Variants in LGALS16 observed in about 807,000 individuals in gnomAD.
The protein encoded by LGALS16 is galectin 16, also known as galectin-16.
Under a neutral mutation model 13.2 loss-of-function variants are expected in LGALS16, and 15 were observed. That is an observed-to-expected ratio of 1.13 (90% CI 0.76 to 1.75). The LOEUF (loss-of-function observed/expected upper bound fraction) is 1.75, where lower values mean the gene tolerates loss of function less well. Ranked by LOEUF, LGALS16 falls within the 40% of genes most tolerant of loss-of-function variation. LGALS16 has a pLI of 0.00. For synonymous variants in LGALS16, 66 were observed against 65.4 expected (o/e 1.01, Z -0.05); for missense variants, 198 against 178.4 (o/e 1.11, Z -0.63).
intron 1 of LGALS16, 144 bp downstream of exon 1, chr19:39,656,120 A>G: frequency 1.2e-6 from 1 of 828,394 alleles, no homozygotes; most frequent in Middle Eastern, 2.4e-4. Context: ...AGAAACACTG[A>G]GGCTGGGTAT....
Position 39,660,531 on chromosome 19 carries a change from C to A in LGALS16, c.*11C>A. 1 of 1,550,182 alleles carries A rather than the reference C, an allele frequency of 6.5e-7. No individual in the cohort carries two copies. Among genetic ancestry groups the A allele is most frequent in the East Asian group, 2.4e-5 (1 of 42,390 alleles). On this transcript the variant is annotated 3_prime_UTR_variant, in exon 4 of 4. Coordinates refer to ENST00000392051, the MANE Select transcript of LGALS16 (RefSeq NM_001190441.3). The stretch of plus-strand genomic sequence containing the variant: ...AATGGACGGAGATGATCACACTCCT[C>A]ATTGTTGAGGAAACCCTCTTTCTAC...
intron 2 of LGALS16, 121 bp downstream of exon 2, chr19:39,658,080 G>C (rs1357742594): frequency 8.3e-7 from 1 of 1,207,602 alleles, no homozygotes. Context: ...CCCCATGCAG[G>C]TGCAGGTCCT....
chr19:39,656,890 C>T (rs995958796), intron 1 of LGALS16, among the ~76,000 whole-genome samples: 3 of 151,836 alleles, frequency 2.0e-5, no homozygotes, highest in African/African-American at 7.2e-5. Flanking sequence ...AGCTATGTCT[C>T]AACTGAGTCT....
chr19:39,657,759 T>C, intron 1 of LGALS16, 124 bp from the exon 2 acceptor site: 9 of 1,043,216 alleles, frequency 8.6e-6, no homozygotes, highest in Non-Finnish European at 1.0e-5. Flanking sequence ...TGTGGTAGAG[T>C]GAATGGGGAG....
intron 3 of LGALS16, 53 bp downstream of exon 3, chr19:39,658,723 G>A: frequency 8.4e-7 from 1 of 1,191,936 alleles, no homozygotes; most frequent in Non-Finnish European, 1.2e-6. Flanking sequence ...CCCAGAGCAG[G>A]AGTCAGCTCT....
intron 2 of LGALS16, 107 bp from the exon 3 acceptor site, chr19:39,658,353 G>C: frequency 1.0e-6 from 1 of 968,264 alleles, no homozygotes; most frequent in Non-Finnish European, 1.6e-6. Context: ...AGTATCATCA[G>C]AGAGAATTTT....
chr19:39,659,937 G>T (rs759306061), intron 3 of LGALS16, among the ~76,000 whole-genome samples: 10 of 152,168 alleles, frequency 6.6e-5, no homozygotes, highest in African/African-American at 1.4e-4. Flanking sequence ...TTCATTCTTT[G>T]CCATTAACAC....
At position 39,655,928 on chromosome 19, in the gene LGALS16, C is replaced by T. The variant is rs1255191767; in HGVS notation, c.-34C>T. 2.5e-6 allele frequency: 4 copies of T among 1,612,856 alleles called. No homozygotes were observed. In the East Asian group the frequency reaches 8.9e-5, roughly 36 times the overall value. ...TCAGAGATTCACTCAGAAGACTGGA[C>T]ACAATTCCGAAGGTCGCCCAGAAGG... On this transcript the variant is annotated 5_prime_UTR_variant, in exon 1 of 4. Transcript: ENST00000392051.
At chr19:39,656,702 G>A (rs943453968) in intron 1 of LGALS16, among the ~76,000 whole-genome samples, 2 of 151,944 alleles carry the variant, frequency 1.3e-5, no homozygotes, top group African/African-American at 2.4e-5. Context: ...GGAGACTATG[G>A]GGGTGATGGA....
intron 3 of LGALS16, among the ~76,000 whole-genome samples, chr19:39,658,905 C>T (rs184182716): frequency 2.0e-4 from 31 of 152,318 alleles, no homozygotes; most frequent in African/African-American, 7.5e-4. Context: ...AGAATCTCCT[C>T]TGTCTTTTCA....
intron 1 of LGALS16, among the ~76,000 whole-genome samples, chr19:39,657,220 G>A (rs996199150): frequency 2.6e-5 from 4 of 152,110 alleles, no homozygotes; most frequent in Admixed American, 2.0e-4. Flanking sequence ...AGCTATGATC[G>A]CACCACTGCA....
chr19:39,657,982 G>A, intron 2 of LGALS16, 23 bp downstream of exon 2: 1 of 1,611,666 alleles, frequency 6.2e-7, no homozygotes, highest in Non-Finnish European at 8.5e-7. Flanking sequence ...TGGTCCAATG[G>A]AGGGGGTGGA....
At chr19:39,658,112 A>G (rs573557941) in intron 2 of LGALS16, among the ~76,000 whole-genome samples, 153 bp downstream of exon 2, 21 of 152,362 alleles carry the variant, frequency 1.4e-4, no homozygotes, top group Admixed American at 1.3e-3. Flanking sequence ...AGCACCAGGC[A>G]TGAGACCTGC....
At chr19:39,656,107 A>G (rs1412249214) in intron 1 of LGALS16, 131 bp downstream of exon 1, 23 of 956,954 alleles carry the variant, frequency 2.4e-5, no homozygotes, top group Admixed American at 4.4e-5. Context: ...GGGTGTGTGG[A>G]AGAGAAACAC....
At chr19:39,656,433 G>A (rs1973195595) in intron 1 of LGALS16, among the ~76,000 whole-genome samples, 1 of 152,158 alleles carries the variant, frequency 6.6e-6, no homozygotes, top group African/African-American at 2.4e-5. Context: ...CTGTGGGTGT[G>A]TGTGCTGGGA....
rs1973250459 is a variant in LGALS16 at position 39,660,595 on chromosome 19, C to T, written c.*75C>T. Reference sequence around the variant, plus strand: ...TCCTAGAGCCTGCTAACAGAATAATCCCTCCTCAACCCCTTCCCCTACACT... The same window carrying T: ...TCCTAGAGCCTGCTAACAGAATAATTCCTCCTCAACCCCTTCCCCTACACT... On this transcript the variant is annotated 3_prime_UTR_variant, in exon 4 of 4. Coordinates refer to ENST00000392051, the MANE Select transcript of LGALS16 (RefSeq NM_001190441.3). The T allele has an allele frequency of 8.2e-7, 1 of 1,225,094 alleles. No individual in the cohort carries two copies. The allele number at this position is 1,225,094 out of a possible 1,614,324, so 75.9% of individuals were successfully genotyped here.
chr19:39,658,146 T>C lies in LGALS16; in HGVS notation c.92+187T>C, dbSNP rs556184214. Among the ~76,000 whole-genome samples the C allele has an allele frequency of 4.6e-5, 7 of 152,288 alleles. No homozygotes were observed. In the East Asian group the frequency reaches 9.7e-4, roughly 21 times the overall value. ...GCAGCAACTGCATGTGGGCCAGCCA[T>C]GGGGCCTAGGGGAGGAGAATACTCA... On this transcript the variant is annotated intron_variant, in intron 2 of 3. Coordinates refer to ENST00000392051, the MANE Select transcript of LGALS16 (RefSeq NM_001190441.3).
intron 2 of LGALS16, 147 bp downstream of exon 2, chr19:39,658,106 C>A: frequency 1.1e-6 from 1 of 931,234 alleles, no homozygotes; most frequent in East Asian, 2.6e-5. Context: ...CCCTCCAGCA[C>A]CAGGCATGAG....
At position 39,658,681 on chromosome 19, in the gene LGALS16, C is replaced by T. The variant is rs1280651841; in HGVS notation, c.303+11C>T. ...CACAATGAGTATGAGGTGAGCACCC[C>T]AGGAGCTCGCAGTACCCAGGCTCTT... is the stretch of plus-strand genomic sequence containing the variant. On this transcript the variant is annotated intron_variant, in intron 3 of 3. Coordinates refer to ENST00000392051, the MANE Select transcript of LGALS16 (RefSeq NM_001190441.3). 22 of 1,511,874 alleles carry T rather than the reference C, an allele frequency of 1.5e-5. No homozygotes were observed. Among genetic ancestry groups the T allele is most frequent in the African/African-American group, 8.3e-5 (6 of 72,598 alleles). The allele number at this position is 1,511,874 out of a possible 1,614,324, so 93.7% of individuals were successfully genotyped here.
Sources: allele counts gnomAD v4.1 joint callset (sites outside exome capture counted in the v4.1 genomes callset), GRCh38; gene constraint gnomAD v4.1.1; transcripts MANE v1.5; gene names NCBI Gene and HGNC (gene_info 2026-07-23, HGNC 2026-07-21).